The following C3orf70 variants were observed in gnomAD, a reference collection of about 807,000 sequenced individuals.
C3orf70 encodes chromosome 3 open reading frame 70.
A neutral mutation model predicts 20.7 loss-of-function variants in C3orf70; 15 were observed. The ratio of observed to expected loss-of-function variants is 0.72; its 90% confidence interval spans 0.48 to 1.11. The LOEUF is 1.11. Among genes scored for constraint, C3orf70 ranks in the 50% most tolerant of loss-of-function variants. The pLI is 0.00. For missense variants in C3orf70, 332 were observed against 317.6 expected (o/e 1.05, Z -0.34); for synonymous variants, 161 against 125.7 (o/e 1.28, Z -1.88).
chr3:185,121,901 C>T (rs1431152443), intron 1 of C3orf70, among the ~76,000 whole-genome samples: 1 of 152,114 alleles, frequency 6.6e-6, no homozygotes, highest in Non-Finnish European at 1.5e-5. Context: ...AGATCAAGAC[C>T]ATCCTGGCTA....
chr3:185,100,345 ACT>A (rs1487383873), intron 1 of C3orf70, among the ~76,000 whole-genome samples: 1 of 152,012 alleles, frequency 6.6e-6, no homozygotes. Flanking sequence ...AAACAACCAC[ACT>A]CTCGGACCAC....
chr3:185,132,171 A>C (rs569478543), intron 1 of C3orf70, among the ~76,000 whole-genome samples: 38 of 152,348 alleles, frequency 2.5e-4, no homozygotes, highest in Middle Eastern at 3.4e-3. Flanking sequence ...CCACGGGATA[A>C]ACTGGAGCTC....
intron 1 of C3orf70, among the ~76,000 whole-genome samples, chr3:185,141,456 G>A (rs569273431): frequency 6.6e-6 from 1 of 151,748 alleles, no homozygotes; most frequent in Non-Finnish European, 1.5e-5. Context: ...GTAGAAAACT[G>A]TATAAAAATG....
At chr3:185,099,920 A>G (rs1486711296) in intron 1 of C3orf70, among the ~76,000 whole-genome samples, 1 of 152,224 alleles carries the variant, frequency 6.6e-6, no homozygotes, top group East Asian at 1.9e-4. Flanking sequence ...CCCTAATTTC[A>G]CATAAAACAC....
At chr3:185,119,576 G>A (rs1716250766) in intron 1 of C3orf70, among the ~76,000 whole-genome samples, 1 of 152,092 alleles carries the variant, frequency 6.6e-6, no homozygotes, top group Non-Finnish European at 1.5e-5. Context: ...ATATGTAAAT[G>A]TGAAAATGAA....
In C3orf70 at chr3:185,080,047, A is replaced by G. The variant is rs1235975230; in HGVS notation, c.*2960T>C. On this transcript the variant is annotated 3_prime_UTR_variant, in exon 2 of 2. Coordinates refer to ENST00000335012, the MANE Select transcript of C3orf70 (RefSeq NM_001025266.3). ...TTTCAGTTGGTTTTGGAATGCAAGCATAAAGAAACAATTCCAGTTCAATAA... is the reference window on the plus strand; with the variant it reads ...TTTCAGTTGGTTTTGGAATGCAAGCGTAAAGAAACAATTCCAGTTCAATAA... 1 of 152,704 alleles carries G rather than the reference A, an allele frequency of 6.5e-6. No individual in the cohort carries two copies. Among genetic ancestry groups the G allele is most frequent in the Non-Finnish European group, 1.5e-5 (1 of 68,040 alleles). 9.5% of individuals were successfully genotyped at this position (152,704 alleles called of 1,614,324 possible). A position where few individuals can be genotyped will look rare whatever the true frequency, so the allele number is the denominator to read the frequency against.
chr3:185,142,627 TG>T (rs947710215), intron 1 of C3orf70, among the ~76,000 whole-genome samples: 4 of 152,196 alleles, frequency 2.6e-5, no homozygotes, highest in African/African-American at 9.7e-5. Context: ...GGTTAAAGTT[TG>T]TTAGGGAACA....
chr3:185,146,665 A>G (rs141041929), intron 1 of C3orf70, among the ~76,000 whole-genome samples: 2 of 152,302 alleles, frequency 1.3e-5, no homozygotes, highest in South Asian at 2.1e-4. Flanking sequence ...TGTTGTTGCT[A>G]GTTTTCATTT....
chr3:185,083,459 G>T lies in C3orf70; in HGVS notation c.301C>A (p.Leu101Ile). 1 of 1,614,132 alleles carries T rather than the reference G, an allele frequency of 6.2e-7. No homozygotes were observed. The highest frequency in any genetic ancestry group is 8.5e-7 in the Non-Finnish European group (1 of 1,180,042). ...PTNTIQISVS[L>I]TEHFLKFASV... ...GCAAATTTCAAAAAGTGTTCGGTGA[G>T]CGAGACTGAGATCTGAATGGTGTTT... The change falls in exon 2 of 2, where the codon CTC becomes ATC. Residue 101 changes from leucine (L) to isoleucine (I), a missense_variant. Leu to Ile is a conservative substitution (Grantham distance 5, BLOSUM62 2). Coordinates refer to ENST00000335012, the MANE Select transcript of C3orf70 (RefSeq NM_001025266.3).
At chr3:185,085,895 G>C (rs1054098835) in intron 1 of C3orf70, among the ~76,000 whole-genome samples, 3 of 152,200 alleles carry the variant, frequency 2.0e-5, no homozygotes, top group Non-Finnish European at 4.4e-5. Flanking sequence ...CCACAGAGTG[G>C]TAAATAAAAC....
chr3:185,099,066 G>GT (rs1561336701), intron 1 of C3orf70, among the ~76,000 whole-genome samples: 1 of 152,068 alleles, frequency 6.6e-6, no homozygotes, highest in Non-Finnish European at 1.5e-5. Flanking sequence ...ACCTGCAGTG[G>GT]TAAGATATAG....
At chr3:185,084,122 G>A (rs2108585925) in intron 1 of C3orf70, among the ~76,000 whole-genome samples, 1 of 152,058 alleles carries the variant, frequency 6.6e-6, no homozygotes, top group South Asian at 2.1e-4. Flanking sequence ...AGCGGAGGTT[G>A]CAGTGAGCCG....
At chr3:185,149,356 C>T (rs1716942238) in intron 1 of C3orf70, among the ~76,000 whole-genome samples, 1 of 146,818 alleles carries the variant, frequency 6.8e-6, no homozygotes, top group East Asian at 2.0e-4. Flanking sequence ...CGCGCCACTA[C>T]ACTCCAGCCC....
At chr3:185,121,393 A>T (rs553588421) in intron 1 of C3orf70, among the ~76,000 whole-genome samples, 38 of 152,298 alleles carry the variant, frequency 2.5e-4, no homozygotes, top group Admixed American at 9.1e-4. Context: ...ATTCTGTTAG[A>T]AAGAACAGGG....
At chr3:185,130,520 T>G (rs1242103223) in intron 1 of C3orf70, among the ~76,000 whole-genome samples, 1 of 152,208 alleles carries the variant, frequency 6.6e-6, no homozygotes, top group Non-Finnish European at 1.5e-5. Flanking sequence ...GTGGGTTTAG[T>G]ATATTCACAA....
chr3:185,149,427 T>C (rs35110440), intron 1 of C3orf70, among the ~76,000 whole-genome samples: 8,978 of 150,000 alleles, frequency 0.06, 370 homozygotes, highest in South Asian at 0.11. Context: ...AAATACAGTA[T>C]GATTGTGTCC....
At chr3:185,142,013 T>G (rs1000941810) in intron 1 of C3orf70, among the ~76,000 whole-genome samples, 3 of 152,156 alleles carry the variant, frequency 2.0e-5, no homozygotes, top group Non-Finnish European at 4.4e-5. Context: ...CTGGGACATC[T>G]TGTGCCAGAA....
chr3:185,109,009 T>C (rs1258556278), intron 1 of C3orf70, among the ~76,000 whole-genome samples: 3 of 152,216 alleles, frequency 2.0e-5, no homozygotes, highest in Non-Finnish European at 4.4e-5. Context: ...GCTACATTTT[T>C]CTCTATGTGG....
chr3:185,132,329 G>A (rs1415904628), intron 1 of C3orf70, among the ~76,000 whole-genome samples: 5 of 151,596 alleles, frequency 3.3e-5, no homozygotes, highest in Non-Finnish European at 7.4e-5. Flanking sequence ...AAAAGAAAGT[G>A]AAGATATGAG....
Sources: gnomAD v4.1 joint callset for allele counts (sites outside exome capture counted in the v4.1 genomes callset) on GRCh38, gnomAD v4.1.1 for gene constraint, MANE v1.5 for transcripts, NCBI Gene and HGNC (gene_info 2026-07-23, HGNC 2026-07-21) for gene names.